The following EMC8 variants were observed in gnomAD, a reference collection of about 807,000 sequenced individuals.
The protein encoded by EMC8 is COX4 neighbor.
EMC8 carries 11 observed loss-of-function variants against 24.3 expected under a neutral mutation model. The observed-to-expected ratio is 0.45, with a 90% CI of 0.28 to 0.75. EMC8 has a LOEUF of 0.75. Ranked by LOEUF, EMC8 falls within the 30% of genes least tolerant of loss-of-function variation. The pLI is 0.12. For synonymous variants in EMC8, 145 were observed against 117.7 expected, an observed-to-expected ratio of 1.23 and a Z score of -1.50; for missense variants, 277 against 282.7, an observed-to-expected ratio of 0.98 and a Z score of 0.14.
At position 85,778,633 on chromosome 16, in the gene EMC8, T is replaced by A. The variant is rs1310566390; in HGVS notation, c.*1075A>T. 3 of 152,202 alleles carry A rather than the reference T, an allele frequency of 2.0e-5. No homozygotes were observed. In the East Asian group the frequency reaches 5.8e-4, roughly 29 times the overall value. The allele number at this position is 152,202 out of a possible 1,614,324, so 9.4% of individuals were successfully genotyped here. A position where few individuals can be genotyped will look rare whatever the true frequency, so the allele number is the denominator to read the frequency against. On this transcript the variant is annotated 3_prime_UTR_variant, in exon 5 of 5. Coordinates refer to ENST00000253457, the MANE Select transcript of EMC8 (RefSeq NM_006067.5). ...AAAGGGGAAGAGAGAATTTGGTGGA[T>A]CAAATAAAGCACATTTATTGTAGCG... is the stretch of plus-strand genomic sequence containing the variant.
chr16:85,783,728 A>T (rs2152073054), intron 2 of EMC8, among the ~76,000 whole-genome samples: 1 of 152,044 alleles, frequency 6.6e-6, no homozygotes, highest in Non-Finnish European at 1.5e-5. Context: ...GTCTTGTTTC[A>T]CTCACACTGT....
chr16:85,799,188 C>T lies in EMC8; in HGVS notation c.108G>A (p.Lys36=), dbSNP rs1456226806. The change falls in exon 1 of 5, where the codon AAG becomes AAA. Residue 36 remains lysine, a synonymous_variant. Coordinates refer to ENST00000253457, the MANE Select transcript of EMC8 (RefSeq NM_006067.5). This position sits in a 1 kb window ranked among gnomAD's most constrained non-coding sequence, Gnocchi z 4.2. ...VNGLLVAEKQ[K]PRKEHLPLGG... is the part of the protein sequence containing the mutation. The stretch of plus-strand genomic sequence containing the variant: ...CCAGGGGGAGGTGCTCCTTACGCGG[C>T]TTCTGCTTCTCGGCCACCAGGAGCC... 1.9e-6 allele frequency: 3 copies of T among 1,612,978 alleles called. No individual in the cohort carries two copies. Among genetic ancestry groups the T allele is most frequent in the Non-Finnish European group, 2.5e-6 (3 of 1,179,722 alleles).
At chr16:85,788,839 A>T (rs1233880147) in intron 2 of EMC8, 135 bp downstream of exon 2, 3 of 696,694 alleles carry the variant, frequency 4.3e-6, no homozygotes, top group Non-Finnish European at 7.7e-6. Context: ...GTTCGCCTCA[A>T]ATACTACAAA....
Position 85,781,228 on chromosome 16 carries a change from C to T in EMC8, c.361G>A (p.Asp121Asn), listed in dbSNP as rs4995481. The change falls in exon 3 of 5, where the codon GAC becomes AAC. Residue 121 changes from aspartate (D) to asparagine (N), a missense_variant. Physicochemically the swap from Asp to Asn is conservative, Grantham distance 23. Transcript: ENST00000253457. ...CGACTTACCATGATGAGCGCAGTGTCGCTGAAGCCCTCGGCGATTCTGGAG... is the reference window on the plus strand; with the variant it reads ...CGACTTACCATGATGAGCGCAGTGTTGCTGAAGCCCTCGGCGATTCTGGAG... ...VASRIAEGFS[D>N]TALIMVDNTK... 8.1e-5 allele frequency: 131 copies of T among 1,613,646 alleles called. 1 individual carries two copies. The highest frequency in any genetic ancestry group is 9.2e-5 in the Non-Finnish European group (109 of 1,179,702).
At chr16:85,789,617 C>A (rs111605739) in intron 1 of EMC8, among the ~76,000 whole-genome samples, 11,099 of 151,970 alleles carry the variant, frequency 0.073, 516 homozygotes, top group East Asian at 0.27. Context: ...TGTGGAGAAA[C>A]CCCATCTCTA....
Position 85,781,292 on chromosome 16 carries a change from A to G in EMC8, c.309-12T>C, listed in dbSNP as rs1327742648. On this transcript the variant is annotated splice_polypyrimidine_tract_variant and intron_variant, in intron 2 of 4. Transcript: ENST00000253457. ...CAACCTGGTTTGGACTGTCAAAGAAATAGGCTACCACATTCCAGTTAATGC... is the reference window on the plus strand; with the variant it reads ...CAACCTGGTTTGGACTGTCAAAGAAGTAGGCTACCACATTCCAGTTAATGC... 8.2e-7 allele frequency: 1 copy of G among 1,215,532 alleles called. No individual in the cohort carries two copies. Among genetic ancestry groups the G allele is most frequent in the Non-Finnish European group, 1.1e-6 (1 of 907,596 alleles). The allele number at this position is 1,215,532 out of a possible 1,614,324, so 75.3% of individuals were successfully genotyped here.
intron 1 of EMC8, among the ~76,000 whole-genome samples, chr16:85,794,614 G>A (rs527672986): frequency 6.6e-6 from 1 of 152,292 alleles, no homozygotes; most frequent in South Asian, 2.1e-4. Flanking sequence ...GCTTGAACCT[G>A]AGAGGCCAAG....
At chr16:85,788,184 C>T (rs991364980) in intron 2 of EMC8, among the ~76,000 whole-genome samples, 4 of 152,260 alleles carry the variant, frequency 2.6e-5, no homozygotes, top group African/African-American at 9.6e-5. Flanking sequence ...GTACTGACTG[C>T]TCTGGGCCAC....
intron 2 of EMC8, among the ~76,000 whole-genome samples, chr16:85,786,877 G>C (rs1904778874): frequency 6.6e-6 from 1 of 152,154 alleles, no homozygotes; most frequent in South Asian, 2.1e-4. Flanking sequence ...AGGAGCATAG[G>C]AGAGCCTGCG....
At chr16:85,780,505 C>A (rs766557750) in intron 3 of EMC8, 32 bp from the exon 4 acceptor site, 2 of 1,546,506 alleles carry the variant, frequency 1.3e-6, no homozygotes, top group Non-Finnish European at 1.8e-6. Flanking sequence ...CGAGAGTGAA[C>A]AGAATGCCAG....
chr16:85,781,192 C>G lies in EMC8; in HGVS notation c.378+19G>C, dbSNP rs1379932676. The G allele has an allele frequency of 1.2e-6, 2 of 1,606,468 alleles. No individual in the cohort carries two copies. Among genetic ancestry groups the G allele is most frequent in the African/African-American group, 2.7e-5 (2 of 74,804 alleles). ...AGGAGGCGCAAGGGCCTCCCACATG[C>G]TGCACAGAAGCGACTTACCATGATG... is the stretch of plus-strand genomic sequence containing the variant. On this transcript the variant is annotated intron_variant, in intron 3 of 4. Coordinates refer to ENST00000253457, the MANE Select transcript of EMC8 (RefSeq NM_006067.5).
intron 4 of EMC8, 22 bp from the exon 5 acceptor site, chr16:85,779,889 G>T: frequency 1.2e-6 from 2 of 1,612,488 alleles, no homozygotes; most frequent in South Asian, 1.1e-5. Flanking sequence ...ACATGAAGAA[G>T]TCAGCATCTA....
intron 4 of EMC8, 92 bp downstream of exon 4, chr16:85,780,287 G>T: frequency 2.2e-6 from 2 of 910,166 alleles, no homozygotes; most frequent in Non-Finnish European, 3.6e-6. Flanking sequence ...TGGAGAAAAC[G>T]CTAACTGAAA....
intron 1 of EMC8, among the ~76,000 whole-genome samples, chr16:85,793,864 C>T (rs562930310): frequency 3.3e-5 from 5 of 152,118 alleles, no homozygotes; most frequent in African/African-American, 7.2e-5. Context: ...TCACTACCTA[C>T]GTCAAAGGGT....
intron 2 of EMC8, among the ~76,000 whole-genome samples, chr16:85,785,670 T>C (rs1277611589): frequency 6.6e-6 from 1 of 152,166 alleles, no homozygotes; most frequent in African/African-American, 2.4e-5. Flanking sequence ...AGGCACTGAA[T>C]CTCCAATACT....
At chr16:85,781,614 C>CT (rs10673082) in intron 2 of EMC8, 21,563 of 129,618 alleles carry the variant, frequency 0.17, 2,212 homozygotes, top group East Asian at 0.45. Flanking sequence ...TTTTTTTTTG[C>CT]TTTTTTTTTT....
At chr16:85,794,361 G>T (rs1415447448) in intron 1 of EMC8, among the ~76,000 whole-genome samples, 1 of 152,088 alleles carries the variant, frequency 6.6e-6, no homozygotes, top group Admixed American at 6.5e-5. Context: ...TTTCATATTT[G>T]CCCACTGCTG....
rs375703655 is a variant in EMC8, at chr16:85,792,162, C to T, written c.232-3112G>A. The stretch of plus-strand genomic sequence containing the variant: ...TCACCTTGTACCCACTCTCAGAGCA[C>T]AGAAACCACCTGGTACAAAAGATGA... On this transcript the variant is annotated intron_variant, in intron 1 of 4. Coordinates refer to ENST00000253457, the MANE Select transcript of EMC8 (RefSeq NM_006067.5). Among the ~76,000 whole-genome samples the T allele has an allele frequency of 5.3e-5, 8 of 152,162 alleles. No individual in the cohort carries two copies. In the East Asian group the frequency reaches 1.2e-3, roughly 22 times the overall value.
At chr16:85,794,548 G>C (rs1414479103) in intron 1 of EMC8, among the ~76,000 whole-genome samples, 1 of 152,162 alleles carries the variant, frequency 6.6e-6, no homozygotes, top group Non-Finnish European at 1.5e-5. Flanking sequence ...AATCAGCCGT[G>C]CGTGGCGGTG....
Sources: gnomAD v4.1 joint callset for allele counts (sites outside exome capture counted in the v4.1 genomes callset) on GRCh38, gnomAD v4.1.1 for gene constraint, Gnocchi (gnomAD v3.1) non-coding constraint, MANE v1.5 for transcripts, NCBI Gene and HGNC (gene_info 2026-07-23, HGNC 2026-07-21) for gene names.